Variants in HERC2 observed in about 807,000 individuals in gnomAD.
HERC2 encodes the protein HECT and RLD domain containing E3 ubiquitin protein ligase 2, also known as E3 ubiquitin-protein ligase HERC2.
Under a neutral mutation model 537.7 loss-of-function variants are expected in HERC2, and 102 were observed. The observed-to-expected ratio is 0.19, with a 90% CI of 0.16 to 0.22. HERC2 has a LOEUF of 0.22. Among genes scored for constraint, HERC2 ranks in the 10% least tolerant of loss-of-function variants. The pLI is 1.00. For missense variants in HERC2, 4,236 were observed against 6,198.2 expected (o/e 0.68, Z 10.63); for synonymous variants, 2,224 against 2,466.2 (o/e 0.90, Z 2.91).
At position 28,215,861 on chromosome 15, in the gene HERC2, A is replaced by T. The variant is rs1400321418; in HGVS notation, c.6029-59T>A. 7.8e-6 allele frequency: 8 copies of T among 1,028,014 alleles called. No homozygotes were observed. The South Asian group carries it at 1.2e-4, about 16-fold the overall frequency. The allele number at this position is 1,028,014 out of a possible 1,614,324, so 63.7% of individuals were successfully genotyped here. On this transcript the variant is annotated intron_variant, in intron 38 of 92. Coordinates refer to ENST00000261609, the MANE Select transcript of HERC2 (RefSeq NM_004667.6). ...AGTCCCTAAAGACAAATCCCTAAAG[A>T]TATATCCTTATTTTTTTATCAACTT...
chr15:28,307,113 G>C (rs1268789253), intron 2 of HERC2, among the ~76,000 whole-genome samples: 1 of 152,228 alleles, frequency 6.6e-6, no homozygotes, highest in Non-Finnish European at 1.5e-5. Context: ...GGGATTACAG[G>C]CATGAGCCAC....
intron 23 of HERC2, among the ~76,000 whole-genome samples, chr15:28,242,127 C>T (rs112211554): frequency 5.9e-5 from 9 of 152,158 alleles, no homozygotes; most frequent in Admixed American, 2.0e-4. Flanking sequence ...CAAATTCAGA[C>T]ACAGAAAGTA....
chr15:28,226,728 G>A (rs1402454963), intron 35 of HERC2, among the ~76,000 whole-genome samples: 5 of 151,962 alleles, frequency 3.3e-5, no homozygotes, highest in Non-Finnish European at 5.9e-5. Flanking sequence ...AAGCATAGAC[G>A]ACAAAAGAGA....
chr15:28,275,449 C>G (rs1285089845), intron 5 of HERC2, among the ~76,000 whole-genome samples: 1 of 152,230 alleles, frequency 6.6e-6, no homozygotes, highest in East Asian at 1.9e-4. Context: ...TGCTCCTGGC[C>G]GCGGGTGAAG....
chr15:28,112,822 G>A (rs1887795223), intron 92 of HERC2, among the ~76,000 whole-genome samples: 1 of 152,192 alleles, frequency 6.6e-6, no homozygotes, highest in Non-Finnish European at 1.5e-5. Flanking sequence ...ATCTAGAGCA[G>A]GCTGACACAG....
Position 28,269,236 on chromosome 15 carries a change from C to T in HERC2, c.1446+12G>A, listed in dbSNP as rs1336069942. 2 of 1,610,434 alleles carry T rather than the reference C, an allele frequency of 1.2e-6. No homozygotes were observed. Among genetic ancestry groups the T allele is most frequent in the East Asian group, 2.2e-5 (1 of 44,810 alleles). ...AAGGGAACACTGCAGGCACAGTGCC[C>T]AGAACACTCACCAGCGTGTCACTAT... On this transcript the variant is annotated intron_variant, in intron 11 of 92. Transcript: ENST00000261609.
intron 10 of HERC2, among the ~76,000 whole-genome samples, chr15:28,269,994 G>A (rs925860670): frequency 2.0e-5 from 3 of 152,158 alleles, no homozygotes; most frequent in Admixed American, 6.5e-5. Context: ...GGGGTTTCAC[G>A]CTTGTTGCCC....
intron 38 of HERC2, among the ~76,000 whole-genome samples, chr15:28,217,861 G>A (rs1900098689): frequency 6.6e-6 from 1 of 151,970 alleles, no homozygotes; most frequent in South Asian, 2.1e-4. Flanking sequence ...GCTCCCAGAA[G>A]CTGGACAAAG....
Position 28,117,116 on chromosome 15 carries a change from G to C in HERC2, c.13311C>G (p.Pro4437=). The C allele has an allele frequency of 6.2e-7, 1 of 1,614,068 alleles. No individual in the cohort carries two copies. The highest frequency in any genetic ancestry group is 8.5e-7 in the Non-Finnish European group (1 of 1,180,008). ...GCCCAAAGACAGACTTGGTGCCGTC[G>C]GGGCCGGCCAGCCCGCCTTTGCTCC... ...RSRSKGGLAG[P]DGTKSVFGQM... is the part of the protein sequence containing the mutation. Residue 4437 remains proline, a synonymous_variant, in exon 87 of 93, where the codon CCC becomes CCG. Coordinates refer to ENST00000261609, the MANE Select transcript of HERC2 (RefSeq NM_004667.6).
intron 88 of HERC2, among the ~76,000 whole-genome samples, chr15:28,116,110 G>C (rs116634664): frequency 6.6e-6 from 1 of 152,176 alleles, no homozygotes; most frequent in Admixed American, 6.5e-5. Context: ...CAGAGCTTCC[G>C]ACGGTCCACC....
Position 28,176,843 on chromosome 15 carries a change from C to G in HERC2, c.9433-75G>C. On this transcript the variant is annotated intron_variant, in intron 61 of 92. Coordinates refer to ENST00000261609, the MANE Select transcript of HERC2 (RefSeq NM_004667.6). This position sits in a 1 kb window ranked among gnomAD's most constrained non-coding sequence, Gnocchi z 5.0. Reference sequence around the variant, plus strand: ...GCAATGGATTTTCCCACAGATAAAGCCAACCATGCACACATCTTTATGAAC... The same window carrying G: ...GCAATGGATTTTCCCACAGATAAAGGCAACCATGCACACATCTTTATGAAC... The G allele has an allele frequency of 1.3e-6, 2 of 1,582,612 alleles. No homozygotes were observed. Among genetic ancestry groups the G allele is most frequent in the Non-Finnish European group, 1.7e-6 (2 of 1,155,454 alleles).
At chr15:28,250,383 G>T (rs1904187194) in intron 20 of HERC2, among the ~76,000 whole-genome samples, 1 of 152,076 alleles carries the variant, frequency 6.6e-6, no homozygotes, top group African/African-American at 2.4e-5. Context: ...TGTAACACAA[G>T]AAACAGGTCT....
intron 9 of HERC2, 81 bp downstream of exon 9, chr15:28,272,134 G>A (rs1177810996): frequency 3.3e-5 from 42 of 1,277,828 alleles, no homozygotes; most frequent in Middle Eastern, 5.5e-4. Context: ...AAACACTGCC[G>A]TTGACATGCA....
intron 50 of HERC2, among the ~76,000 whole-genome samples, chr15:28,197,721 A>G (rs570789470): frequency 4.7e-4 from 71 of 152,340 alleles, no homozygotes; most frequent in Non-Finnish European, 8.7e-4. Flanking sequence ...ACTGCACTCC[A>G]GCCTGGTCAG....
intron 78 of HERC2, among the ~76,000 whole-genome samples, chr15:28,137,485 G>A (rs1425685305): frequency 6.6e-6 from 1 of 152,158 alleles, no homozygotes; most frequent in Non-Finnish European, 1.5e-5. Context: ...GCTATGTCAC[G>A]TTTTGATAAT....
chr15:28,163,316 G>A (rs778112759), intron 68 of HERC2, 31 bp from the exon 69 acceptor site: 44 of 1,592,560 alleles, frequency 2.8e-5, no homozygotes, highest in Non-Finnish European at 3.4e-5. Context: ...CAATTAACAT[G>A]AGGAATGATA....
At position 28,216,931 on chromosome 15, in the gene HERC2, C is replaced by T. The variant is rs887607410; in HGVS notation, c.6029-1129G>A. On this transcript the variant is annotated intron_variant, in intron 38 of 92. Transcript: ENST00000261609. ...TTACTCACCCACTCACACCTTTACC[C>T]ACACACTTTCTCACTTTGCACTCAC... Among the ~76,000 whole-genome samples the T allele has an allele frequency of 2.6e-5, 4 of 152,048 alleles. No individual in the cohort carries two copies. The South Asian group carries it at 6.2e-4, about 24-fold the overall frequency.
At chr15:28,226,765 TA>T (rs1411087293) in intron 35 of HERC2, among the ~76,000 whole-genome samples, 1 of 151,892 alleles carries the variant, frequency 6.6e-6, no homozygotes, top group Non-Finnish European at 1.5e-5. Flanking sequence ...TTCATCAAAA[TA>T]AAAAACTTCT....
intron 38 of HERC2, 55 bp downstream of exon 38, chr15:28,218,434 C>T: frequency 6.8e-7 from 1 of 1,480,564 alleles, no homozygotes; most frequent in Non-Finnish European, 9.2e-7. Flanking sequence ...CACCCAGACA[C>T]AAGCGTGCGG....
Sources: gnomAD v4.1 joint callset for allele counts (sites outside exome capture counted in the v4.1 genomes callset) on GRCh38, gnomAD v4.1.1 for gene constraint, Gnocchi (gnomAD v3.1) non-coding constraint, MANE v1.5 for transcripts, NCBI Gene and HGNC (gene_info 2026-07-23, HGNC 2026-07-21) for gene names.